Variants in KDM2B observed in about 807,000 individuals in gnomAD.
The protein encoded by KDM2B is lysine-specific demethylase 2B.
A neutral mutation model predicts 150.0 loss-of-function variants in KDM2B; 26 were observed. That is an observed-to-expected ratio of 0.17 (90% CI 0.13 to 0.24). The LOEUF (loss-of-function observed/expected upper bound fraction) is 0.24, where lower values mean the gene tolerates loss of function less well. Among genes scored for constraint, KDM2B ranks in the 10% least tolerant of loss-of-function variants. The pLI is 1.00. For missense variants in KDM2B, 1,265 were observed against 1,816.9 expected (o/e 0.70, Z 5.52); for synonymous variants, 734 against 729.5 (o/e 1.01, Z -0.10).
intron 13 of KDM2B, among the ~76,000 whole-genome samples, chr12:121,446,044 A>G (rs1458787498): frequency 6.6e-6 from 1 of 152,166 alleles, no homozygotes; most frequent in Non-Finnish European, 1.5e-5. Flanking sequence ...AGCACCAGGC[A>G]AGGCAAGGCC....
chr12:121,458,661 C>T (rs1566290724), intron 12 of KDM2B, among the ~76,000 whole-genome samples: 1 of 151,878 alleles, frequency 6.6e-6, no homozygotes, highest in Non-Finnish European at 1.5e-5. Context: ...ATTAGCCAGG[C>T]ATGGTGGCAC....
At chr12:121,434,500 C>CAAA (rs1166374523) in intron 22 of KDM2B, among the ~76,000 whole-genome samples, 27 of 62,134 alleles carry the variant, frequency 4.3e-4, no homozygotes, top group Non-Finnish European at 6.3e-4. Flanking sequence ...GACTCTCTAT[C>CAAA]AAAAAAAAAA....
At position 121,549,551 on chromosome 12, in the gene KDM2B, G is replaced by A. The variant is rs782257300; in HGVS notation, c.485C>T (p.Thr162Met). Residue 162 changes from threonine (T) to methionine (M), a missense_variant, in exon 5 of 23, where the codon ACG (threonine) becomes ATG (methionine). This residue lies in a region of KDM2B where 214 missense variants were observed against 447.4 expected (regional missense o/e 0.48). Coordinates refer to ENST00000377071, the MANE Select transcript of KDM2B (RefSeq NM_032590.5). This position sits in a 1 kb window ranked among gnomAD's most constrained non-coding sequence, Gnocchi z 4.4. ...CAGCTTGTCCCGCTGGGCCTCGGGCGTCTCGTAGTAACGCACAAACTGGGA... is the reference window on the plus strand; with the variant it reads ...CAGCTTGTCCCGCTGGGCCTCGGGCATCTCGTAGTAACGCACAAACTGGGA... ...SMSQFVRYYE[T>M]PEAQRDKLYN... 29 of 1,613,530 alleles carry A rather than the reference G, an allele frequency of 1.8e-5. No individual in the cohort carries two copies. The highest frequency in any genetic ancestry group is 5.5e-5 in the South Asian group (5 of 91,048).
At position 121,513,275 on chromosome 12, in the gene KDM2B, C is replaced by T; in HGVS notation, c.1174+1G>A. On this transcript the variant is annotated splice_donor_variant, in intron 10 of 22. Coordinates refer to ENST00000377071, the MANE Select transcript of KDM2B (RefSeq NM_032590.5). LOFTEE classifies it high-confidence loss of function. This position sits in a 1 kb window ranked among gnomAD's most constrained non-coding sequence, Gnocchi z 5.0. Reference sequence around the variant, plus strand: ...CCGTGGGCTCCCTCCGGTTCACTCACCAATAAGCATCGACTCCCTCTGGTA... The same window carrying T: ...CCGTGGGCTCCCTCCGGTTCACTCATCAATAAGCATCGACTCCCTCTGGTA... 1 of 1,613,182 alleles carries T rather than the reference C, an allele frequency of 6.2e-7. No individual in the cohort carries two copies. The highest frequency in any genetic ancestry group is 8.5e-7 in the Non-Finnish European group (1 of 1,179,646).
At chr12:121,475,728 TA>T (rs112785089) in intron 12 of KDM2B, among the ~76,000 whole-genome samples, 6,530 of 150,456 alleles carry the variant, frequency 0.043, 271 homozygotes, top group East Asian at 0.13. Context: ...ACCCCATCTA[TA>T]AAAAAAAATT....
At chr12:121,485,372 A>T (rs1274435134) in intron 12 of KDM2B, among the ~76,000 whole-genome samples, 1 of 152,044 alleles carries the variant, frequency 6.6e-6, no homozygotes, top group African/African-American at 2.4e-5. Context: ...TCGCCCTGTA[A>T]ATTCAACACC....
intron 11 of KDM2B, 30 bp downstream of exon 11, chr12:121,509,537 C>G (rs782309007): frequency 1.0e-5 from 16 of 1,603,816 alleles, no homozygotes; most frequent in Non-Finnish European, 1.4e-5. Context: ...CCTCCTCGGC[C>G]GCCCAGCCCC....
rs372162661 is a variant in KDM2B at position 121,443,803 on chromosome 12, G to C, written c.2452-10C>G. 6.5e-7 allele frequency: 1 copy of C among 1,531,284 alleles called. No individual in the cohort carries two copies. The allele number at this position is 1,531,284 out of a possible 1,614,324, so 94.9% of individuals were successfully genotyped here. On this transcript the variant is annotated splice_polypyrimidine_tract_variant and intron_variant, in intron 16 of 22. Coordinates refer to ENST00000377071, the MANE Select transcript of KDM2B (RefSeq NM_032590.5). ...TTTGAAGCGATGAGGCCTAAAGGGG[G>C]GTGGAGTGGGAAGAGGAGTGACTCG...
At chr12:121,494,844 C>G (rs558369093) in intron 11 of KDM2B, among the ~76,000 whole-genome samples, 179 bp from the exon 12 acceptor site, 1 of 152,118 alleles carries the variant, frequency 6.6e-6, no homozygotes, top group South Asian at 2.1e-4. Flanking sequence ...CTGGGGCCCA[C>G]GAAACACACA....
chr12:121,560,194 G>A (rs781893897), intron 4 of KDM2B, among the ~76,000 whole-genome samples: 9 of 151,682 alleles, frequency 5.9e-5, no homozygotes, highest in Admixed American at 5.9e-4. Context: ...TAGAGACAGG[G>A]TTTCACTCTG....
chr12:121,453,074 G>A lies in KDM2B; in HGVS notation c.1959+46C>T, dbSNP rs782237260. On this transcript the variant is annotated intron_variant, in intron 13 of 22. Coordinates refer to ENST00000377071, the MANE Select transcript of KDM2B (RefSeq NM_032590.5). This position sits in a 1 kb window ranked among gnomAD's most constrained non-coding sequence, Gnocchi z 6.4. ...AGCGGTCAGACACGCGGGCCGGCAC[G>A]CAGGGGCCTGAATCGAGCGCAGGGC... 4.0e-6 allele frequency: 6 copies of A among 1,498,888 alleles called. No individual in the cohort carries two copies. In the East Asian group the frequency reaches 9.4e-5, roughly 24 times the overall value. The allele number at this position is 1,498,888 out of a possible 1,614,324, so 92.8% of individuals were successfully genotyped here. A position where few individuals can be genotyped will look rare whatever the true frequency, so the allele number is the denominator to read the frequency against.
At chr12:121,480,103 C>G (rs1881927534) in intron 12 of KDM2B, among the ~76,000 whole-genome samples, 1 of 151,834 alleles carries the variant, frequency 6.6e-6, no homozygotes, top group South Asian at 2.1e-4. Context: ...ATTATTGATA[C>G]AGGAAAAAAT....
chr12:121,559,738 T>TAA (rs202018578), intron 4 of KDM2B, among the ~76,000 whole-genome samples: 13 of 151,590 alleles, frequency 8.6e-5, no homozygotes, highest in African/African-American at 3.1e-4. Flanking sequence ...CCGTCTCTAC[T>TAA]AAAAAAAACA....
intron 12 of KDM2B, among the ~76,000 whole-genome samples, chr12:121,478,823 G>A (rs929329762): frequency 1.3e-5 from 2 of 149,666 alleles, no homozygotes; most frequent in Non-Finnish European, 3.0e-5. Context: ...AAGCAGCTGC[G>A]ACTACAGGCA....
chr12:121,422,961 C>A, the KDM2B span, among the ~76,000 whole-genome samples: 7 of 152,168 alleles, frequency 4.6e-5, no homozygotes, highest in East Asian at 1.3e-3. Flanking sequence ...GCTCCAGAGA[C>A]TGTGGTGTTC....
intron 8 of KDM2B, among the ~76,000 whole-genome samples, chr12:121,529,357 G>A (rs1324386408): frequency 6.6e-6 from 1 of 152,274 alleles, no homozygotes; most frequent in Non-Finnish European, 1.5e-5. Context: ...CATGAACCAC[G>A]GACTGGGAGG....
rs782698945 is a variant in KDM2B at position 121,430,363 on chromosome 12, C to T, written c.3936G>A (p.Glu1312=). 2.2e-5 allele frequency: 35 copies of T among 1,613,904 alleles called. No individual in the cohort carries two copies. The highest frequency in any genetic ancestry group is 3.0e-5 in the Non-Finnish European group (35 of 1,179,884). The change falls in exon 23 of 23, where the codon GAG becomes GAA. Residue 1312 remains glutamate, a synonymous_variant. Coordinates refer to ENST00000377071, the MANE Select transcript of KDM2B (RefSeq NM_032590.5). The surrounding 1 kb of genome is among the most constrained non-coding windows in gnomAD (Gnocchi z 4.4). ...YCKQVTKEGC[E]QFIAEMSVSV... ...TCACAGACATCTCGGCTATGAACTGCTCACAGCCTTCCTTGGTGACTTGCT... is the reference window on the plus strand; with the variant it reads ...TCACAGACATCTCGGCTATGAACTGTTCACAGCCTTCCTTGGTGACTTGCT...
intron 4 of KDM2B, among the ~76,000 whole-genome samples, chr12:121,567,716 T>TC (rs1890806408): frequency 6.8e-6 from 1 of 147,522 alleles, no homozygotes; most frequent in East Asian, 2.0e-4. Flanking sequence ...CTTTTTTTTT[T>TC]TTTTTTTTTT....
At chr12:121,423,948 T>G in the KDM2B span, 1 of 179,256 alleles carries the variant, frequency 5.6e-6, no homozygotes, top group East Asian at 1.6e-4. The surrounding 1 kb of genome is among the most constrained non-coding windows in gnomAD (Gnocchi z 4.3). Flanking sequence ...GTTTGAAACT[T>G]CTGTCCTCTT....
Sources: allele counts gnomAD v4.1 joint callset (sites outside exome capture counted in the v4.1 genomes callset), GRCh38; gene constraint gnomAD v4.1.1; regional missense constraint gnomAD v4.1.1; non-coding constraint Gnocchi (gnomAD v3.1); transcripts MANE v1.5; gene names NCBI Gene and HGNC (gene_info 2026-07-23, HGNC 2026-07-21).